FHDC1: variants seen among roughly 807,000 people sequenced by gnomAD.
FHDC1 encodes the protein FH2 domain containing 1.
FHDC1 carries 25 observed loss-of-function variants against 52.6 expected under a neutral mutation model. The observed-to-expected ratio is 0.48, with a 90% confidence interval of 0.35 to 0.66. The LOEUF (loss-of-function observed/expected upper bound fraction) is 0.66, where lower values mean the gene tolerates loss of function less well. Ranked by LOEUF, FHDC1 falls within the 30% of genes least tolerant of loss-of-function variation. The probability of loss-of-function intolerance (pLI) is 0.01; values close to 1 mark genes in which losing one functional copy is unlikely to be tolerated. For synonymous variants in FHDC1, 616 were observed against 581.5 expected (o/e 1.06, Z -0.85); for missense variants, 1,459 against 1,452.8 (o/e 1.00, Z -0.07).
At chr4:152,941,231 G>GA (rs1183835448) in intron 1 of FHDC1, among the ~76,000 whole-genome samples, 1 of 152,172 alleles carries the variant, frequency 6.6e-6, no homozygotes, top group African/African-American at 2.4e-5. Flanking sequence ...TTTAATAGAT[G>GA]ATCACCAAGC....
the FHDC1 span, among the ~76,000 whole-genome samples, chr4:152,918,065 C>T: frequency 2.0e-5 from 3 of 152,144 alleles, no homozygotes; most frequent in African/African-American, 7.2e-5. Flanking sequence ...CCTAACTTGC[C>T]CCTTTGTTCT....
In FHDC1 at chr4:152,972,466, CAAAA is replaced by C; in HGVS notation, c.1312_1315del (p.Lys438ProfsTer2). On this transcript the variant is annotated frameshift_variant, in exon 11 of 12. Coordinates refer to ENST00000511601, the MANE Select transcript of FHDC1 (RefSeq NM_001371116.1). LOFTEE classifies it high-confidence loss of function. Reference sequence around the variant, plus strand: ...CCCTTATAGATTTTTTCTGTGAAGACAAAAAAACCATGAAACTGGATGAATGCTT... The same window carrying C: ...CCCTTATAGATTTTTTCTGTGAAGACAAACCATGAAACTGGATGAATGCTT... 6.2e-7 allele frequency: 1 copy of C among 1,613,330 alleles called. No individual in the cohort carries two copies. Among genetic ancestry groups the C allele is most frequent in the South Asian group, 1.1e-5 (1 of 90,930 alleles).
chr4:152,936,150 G>A (rs1052596138), upstream of FHDC1, among the ~76,000 whole-genome samples: 2 of 152,118 alleles, frequency 1.3e-5, no homozygotes, highest in Admixed American at 6.5e-5. Flanking sequence ...GCGCGTGGCG[G>A]TGACGGTGGC....
chr4:152,968,028 G>A lies in FHDC1; in HGVS notation c.1149G>A (p.Arg383=), dbSNP rs1458033704. 1 of 1,613,712 alleles carries A rather than the reference G, an allele frequency of 6.2e-7. No individual in the cohort carries two copies. Among genetic ancestry groups the A allele is most frequent in the African/African-American group, 1.3e-5 (1 of 74,892 alleles). ...CAGAACTGCACTTGCTGTTTGTCAG[G>A]ACAAAATCACTAAAAGAAAACATCC... ...TEAELHLLFV[R]TKSLKENIQR... is the part of the protein sequence containing the mutation. Residue 383 remains arginine, a synonymous_variant, in exon 10 of 12, where the codon AGG becomes AGA. Transcript: ENST00000511601.
chr4:152,920,918 T>G, the FHDC1 span, among the ~76,000 whole-genome samples: 1 of 152,088 alleles, frequency 6.6e-6, no homozygotes, highest in Non-Finnish European at 1.5e-5. Context: ...ATAGACAACT[T>G]GATCATATAT....
At chr4:152,934,295 T>C (rs1235308742), upstream of FHDC1, among the ~76,000 whole-genome samples, 1 of 152,096 alleles carries the variant, frequency 6.6e-6, no homozygotes, top group Non-Finnish European at 1.5e-5. Context: ...AAAAACCAGG[T>C]CTTAGGTAAA....
chr4:152,936,614 A>G (rs1396875684), intron 1 of FHDC1, among the ~76,000 whole-genome samples: 1 of 152,208 alleles, frequency 6.6e-6, no homozygotes, highest in South Asian at 2.1e-4. Context: ...AGTTCCCTCC[A>G]CATCCACCCC....
the FHDC1 span, among the ~76,000 whole-genome samples, chr4:152,925,010 T>TAAA: frequency 2.0e-5 from 3 of 149,934 alleles, no homozygotes; most frequent in East Asian, 2.0e-4. Context: ...TAAAGTATAA[T>TAAA]AAAAAAAAAG....
In FHDC1 at chr4:152,961,762, G is replaced by A. The variant is rs921826330; in HGVS notation, c.850+918G>A. Among the ~76,000 whole-genome samples the A allele has an allele frequency of 4.6e-5, 7 of 152,148 alleles. No homozygotes were observed. In the East Asian group the frequency reaches 5.8e-4, roughly 13 times the overall value. The stretch of plus-strand genomic sequence containing the variant: ...ATAAAATTTTTCTCTTTGGTCCATC[G>A]TATTTTCTTCATTTTAGAGAGGAGA... On this transcript the variant is annotated intron_variant, in intron 6 of 11. Coordinates refer to ENST00000511601, the MANE Select transcript of FHDC1 (RefSeq NM_001371116.1).
chr4:152,974,106 C>T (rs763462786), intron 11 of FHDC1, among the ~76,000 whole-genome samples: 11 of 152,216 alleles, frequency 7.2e-5, no homozygotes, highest in Non-Finnish European at 1.5e-4. Flanking sequence ...TGTGGCTATA[C>T]ATTAATACAT....
chr4:152,959,520 A>C (rs1420459365), intron 4 of FHDC1, among the ~76,000 whole-genome samples: 1 of 152,234 alleles, frequency 6.6e-6, no homozygotes, highest in Non-Finnish European at 1.5e-5. Flanking sequence ...GAAAATAAAA[A>C]TGAGCAACAG....
chr4:152,971,004 T>A (rs1356814255), intron 10 of FHDC1, among the ~76,000 whole-genome samples: 1 of 152,212 alleles, frequency 6.6e-6, no homozygotes, highest in Admixed American at 6.5e-5. Context: ...AAAAACATGA[T>A]ACATGTGATT....
At chr4:152,914,716 T>G in the FHDC1 span, among the ~76,000 whole-genome samples, 1 of 152,220 alleles carries the variant, frequency 6.6e-6, no homozygotes, top group Non-Finnish European at 1.5e-5. Context: ...TGACTTAGAC[T>G]TTCATATCAC....
the FHDC1 span, among the ~76,000 whole-genome samples, chr4:152,926,663 CT>C: frequency 1.3e-4 from 19 of 140,964 alleles, no homozygotes; most frequent in Admixed American, 1.3e-3. Context: ...CTTTTTTTTT[CT>C]TTTGCTGGCC....
At chr4:152,919,944 CTTTTTTTTTTT>C in the FHDC1 span, among the ~76,000 whole-genome samples, 2 of 70,324 alleles carry the variant, frequency 2.8e-5, no homozygotes, top group African/African-American at 5.0e-5. Context: ...TAGGGAAGTT[CTTTTTTTTTTT>C]TTTTTTTTTT....
Position 152,974,676 on chromosome 4 carries a change from A to T in FHDC1, c.1385A>T (p.Asp462Val), listed in dbSNP as rs760809669. Residue 462 changes from aspartate to valine, a missense_variant and splice_region_variant, in exon 12 of 12, where the codon GAC (aspartate) becomes GTC (valine). Coordinates refer to ENST00000511601, the MANE Select transcript of FHDC1 (RefSeq NM_001371116.1). The stretch of plus-strand genomic sequence containing the variant: ...TTCGGGCTTCTCTCCATCCCTCAGG[A>T]CAACCACGACCGGGAGGCGCAGGAG... Reference protein sequence around the residue: ...FCTKFNKAVKDNHDREAQELR... With the variant: ...FCTKFNKAVKVNHDREAQELR... 46 of 1,508,572 alleles carry T rather than the reference A, an allele frequency of 3.0e-5. No homozygotes were observed. The highest frequency in any genetic ancestry group is 4.1e-5 in the Non-Finnish European group (46 of 1,128,684). The allele number at this position is 1,508,572 out of a possible 1,614,324, so 93.4% of individuals were successfully genotyped here.
At position 152,943,509 on chromosome 4, in the gene FHDC1, G is replaced by A; in HGVS notation, c.452G>A (p.Arg151Lys). The change falls in exon 2 of 12, where the codon AGG becomes AAG. Residue 151 changes from arginine to lysine, a missense_variant. Coordinates refer to ENST00000511601, the MANE Select transcript of FHDC1 (RefSeq NM_001371116.1). ...GACACCACCAAGTCTTCCCTTCCTA[G>A]GAGAGGAAGAACTTTAAATTCATCC... ...QEDTTKSSLP[R>K]RGRTLNSSFR... The A allele has an allele frequency of 6.2e-7, 1 of 1,613,916 alleles. No homozygotes were observed.
At chr4:152,937,395 G>T (rs1739416599) in intron 1 of FHDC1, among the ~76,000 whole-genome samples, 1 of 152,156 alleles carries the variant, frequency 6.6e-6, no homozygotes, top group South Asian at 2.1e-4. Context: ...TCTGGGCGCA[G>T]CGTGCTAAAC....
At chr4:152,920,888 T>C in the FHDC1 span, among the ~76,000 whole-genome samples, 2 of 151,964 alleles carry the variant, frequency 1.3e-5, no homozygotes, top group African/African-American at 2.4e-5. Context: ...AAGACCATTA[T>C]AAATAATTTC....
Sources: gnomAD v4.1 joint callset for allele counts (sites outside exome capture counted in the v4.1 genomes callset) on GRCh38, gnomAD v4.1.1 for gene constraint, MANE v1.5 for transcripts, NCBI Gene and HGNC (gene_info 2026-07-23, HGNC 2026-07-21) for gene names.